HTR1E: variants seen among roughly 807,000 people sequenced by gnomAD.
HTR1E encodes 5-hydroxytryptamine receptor 1E.
A neutral mutation model predicts 3.4 loss-of-function variants in HTR1E; 3 were observed. The observed-to-expected ratio is 0.89, with a 90% CI of 0.41 to 2.31. The LOEUF is 2.31. Ranked by LOEUF, HTR1E falls within the 30% of genes most tolerant of loss-of-function variation. The probability of loss-of-function intolerance (pLI) is 0.05; values close to 1 mark genes in which losing one functional copy is unlikely to be tolerated. For missense variants in HTR1E, 392 were observed against 467.0 expected, an observed-to-expected ratio of 0.84 and a Z score of 1.48; for synonymous variants, 170 against 182.8, an observed-to-expected ratio of 0.93 and a Z score of 0.56.
rs532590467 is a variant in HTR1E at position 87,015,220 on chromosome 6, T to C, written c.-115T>C. 238 of 849,454 alleles carry C rather than the reference T, an allele frequency of 2.8e-4. No homozygotes were observed. Among genetic ancestry groups the C allele is most frequent in the Non-Finnish European group, 3.9e-4 (232 of 590,560 alleles). 52.6% of individuals were successfully genotyped at this position (849,454 alleles called of 1,614,324 possible). A position where few individuals can be genotyped will look rare whatever the true frequency, so the allele number is the denominator to read the frequency against. On this transcript the variant is annotated 5_prime_UTR_variant, in exon 2 of 2. An upstream open reading frame in the 5' UTR loses its in-frame stop. Coordinates refer to ENST00000305344, the MANE Select transcript of HTR1E (RefSeq NM_000865.3). The stretch of plus-strand genomic sequence containing the variant: ...AGAAAATGGAACACAAGAGACCACA[T>C]AGCTGAACAAATTATAGCCTCCTTA...
chr6:87,007,983 A>G (rs1768143019), intron 1 of HTR1E, among the ~76,000 whole-genome samples: 1 of 152,224 alleles, frequency 6.6e-6, no homozygotes, highest in Admixed American at 6.5e-5. Context: ...ATTAAAAAAT[A>G]CAAAGGCAAA....
At chr6:86,989,235 A>G (rs1298715603) in intron 1 of HTR1E, among the ~76,000 whole-genome samples, 1 of 152,102 alleles carries the variant, frequency 6.6e-6, no homozygotes, top group Non-Finnish European at 1.5e-5. Context: ...TCTCTCCCCA[A>G]GCAGCTCTCC....
chr6:86,974,693 G>A (rs1767604975), intron 1 of HTR1E, among the ~76,000 whole-genome samples: 4 of 150,382 alleles, frequency 2.7e-5, no homozygotes, highest in African/African-American at 9.8e-5. Flanking sequence ...TTTTCCCCTG[G>A]GTAATTAATG....
chr6:86,995,431 C>T (rs1305197178), intron 1 of HTR1E, among the ~76,000 whole-genome samples: 6 of 151,368 alleles, frequency 4.0e-5, no homozygotes, highest in African/African-American at 1.5e-4. Context: ...TTTGGGAGGT[C>T]GAGGTGGGCG....
Position 87,015,613 on chromosome 6 carries a change from C to T in HTR1E, c.279C>T (p.Phe93=), listed in dbSNP as rs778989808. 6.2e-7 allele frequency: 1 copy of T among 1,614,038 alleles called. No homozygotes were observed. Among genetic ancestry groups the T allele is most frequent in the Non-Finnish European group, 8.5e-7 (1 of 1,180,014 alleles). ...IVMDRWKLGY[F]LCEVWLSVDM... ...TGGATCGCTGGAAGCTTGGGTACTTCCTCTGTGAGGTGTGGCTGAGTGTGG... is the reference window on the plus strand; with the variant it reads ...TGGATCGCTGGAAGCTTGGGTACTTTCTCTGTGAGGTGTGGCTGAGTGTGG... The change falls in exon 2 of 2, where the codon TTC becomes TTT. Residue 93 remains phenylalanine (F), a synonymous_variant. Coordinates refer to ENST00000305344, the MANE Select transcript of HTR1E (RefSeq NM_000865.3).
chr6:86,975,604 C>G (rs1265398773), intron 1 of HTR1E, among the ~76,000 whole-genome samples: 2 of 151,976 alleles, frequency 1.3e-5, no homozygotes, highest in African/African-American at 2.4e-5. Context: ...TATGTGTACC[C>G]TCCTCACTCT....
intron 1 of HTR1E, among the ~76,000 whole-genome samples, chr6:86,976,002 A>G (rs1767634183): frequency 1.3e-5 from 2 of 151,226 alleles, no homozygotes; most frequent in Admixed American, 6.6e-5. Context: ...CTGTTGCTCA[A>G]TCCTCTGTGG....
At chr6:86,981,485 G>C (rs1319195521) in intron 1 of HTR1E, among the ~76,000 whole-genome samples, 3 of 152,140 alleles carry the variant, frequency 2.0e-5, no homozygotes, top group African/African-American at 7.2e-5. Flanking sequence ...TGTGAGAAAG[G>C]AAGAAGATAA....
In HTR1E at chr6:86,958,696, G is replaced by C. The variant is rs182622546; in HGVS notation, c.-186+20873G>C. Among the ~76,000 whole-genome samples, 825 of 152,290 alleles carry C rather than the reference G, an allele frequency of 5.4e-3. 1 individual carries two copies. Among genetic ancestry groups the C allele is most frequent in the Non-Finnish European group, 8.7e-3 (592 of 68,022 alleles). On this transcript the variant is annotated intron_variant, in intron 1 of 1. Coordinates refer to ENST00000305344, the MANE Select transcript of HTR1E (RefSeq NM_000865.3). The stretch of plus-strand genomic sequence containing the variant: ...TCTGCTATAAAACTCTGAAGGAGCA[G>C]GGGCTGCAAGCAAAAATGGCAGTGG...
chr6:87,014,379 A>C (rs1224977087), intron 1 of HTR1E, among the ~76,000 whole-genome samples: 4 of 152,014 alleles, frequency 2.6e-5, no homozygotes, highest in African/African-American at 9.7e-5. Context: ...TAGATCAACC[A>C]TTGTGGAAGA....
chr6:86,945,396 C>G (rs1417081310), intron 1 of HTR1E, among the ~76,000 whole-genome samples: 5 of 152,104 alleles, frequency 3.3e-5, no homozygotes, highest in Admixed American at 6.6e-5. Context: ...CACTCACCAC[C>G]ATGCCCAGCT....
At chr6:86,955,265 A>G (rs1252459309) in intron 1 of HTR1E, among the ~76,000 whole-genome samples, 4 of 152,142 alleles carry the variant, frequency 2.6e-5, no homozygotes, top group African/African-American at 9.7e-5. Context: ...TCTCCTGCAA[A>G]ATTTAGACTT....
chr6:86,979,434 T>C (rs1767681512), intron 1 of HTR1E, among the ~76,000 whole-genome samples: 1 of 152,132 alleles, frequency 6.6e-6, no homozygotes, highest in South Asian at 2.1e-4. Flanking sequence ...GTCAGAGAAA[T>C]TACCGTGAAA....
chr6:86,953,221 GGGA>G (rs1362211009), intron 1 of HTR1E, among the ~76,000 whole-genome samples: 2 of 152,112 alleles, frequency 1.3e-5, no homozygotes, highest in Non-Finnish European at 2.9e-5. Flanking sequence ...AAAATATGTT[GGGA>G]GGAGTTTACT....
intron 1 of HTR1E, among the ~76,000 whole-genome samples, chr6:86,991,118 A>T (rs189855833): frequency 1.3e-4 from 20 of 152,200 alleles, no homozygotes; most frequent in African/African-American, 4.6e-4. Flanking sequence ...TCAGGGGGAC[A>T]TTTTTTTCTA....
At chr6:86,998,450 T>A (rs912103264) in intron 1 of HTR1E, among the ~76,000 whole-genome samples, 1 of 152,106 alleles carries the variant, frequency 6.6e-6, no homozygotes, top group Admixed American at 6.5e-5. Context: ...TCTAAAAATT[T>A]TAAGTTAATA....
At chr6:87,010,151 T>C (rs1582285129) in intron 1 of HTR1E, among the ~76,000 whole-genome samples, 4 of 96,660 alleles carry the variant, frequency 4.1e-5, no homozygotes, top group East Asian at 3.9e-4. Flanking sequence ...GAGGCGCCCC[T>C]CACCTCCCGG....
At chr6:86,943,312 C>T (rs915594505) in intron 1 of HTR1E, among the ~76,000 whole-genome samples, 5 of 152,114 alleles carry the variant, frequency 3.3e-5, no homozygotes, top group African/African-American at 1.2e-4. Flanking sequence ...ACTGACCTAC[C>T]CTGTGCATGT....
intron 1 of HTR1E, among the ~76,000 whole-genome samples, chr6:86,999,020 C>T (rs931131366): frequency 6.6e-6 from 1 of 152,128 alleles, no homozygotes. Context: ...AGTGCAGTAG[C>T]GTGATCTCAG....
Sources: gnomAD v4.1 joint callset for allele counts (sites outside exome capture counted in the v4.1 genomes callset) on GRCh38, gnomAD v4.1.1 for gene constraint, MANE v1.5 for transcripts, NCBI Gene and HGNC (gene_info 2026-07-23, HGNC 2026-07-21) for gene names.